The following PARD3B variants were observed in gnomAD, a reference collection of about 807,000 sequenced individuals.
The protein encoded by PARD3B is partitioning defective 3 homolog B.
Under a neutral mutation model 130.2 loss-of-function variants are expected in PARD3B, and 103 were observed. The observed-to-expected ratio is 0.79, with a 90% CI of 0.67 to 0.93. PARD3B has a LOEUF of 0.93. Among genes scored for constraint, PARD3B ranks in the 40% least tolerant of loss-of-function variants. The pLI is 0.00. For missense variants in PARD3B, 1,609 were observed against 1,499.2 expected, an observed-to-expected ratio of 1.07 and a Z score of -1.21; for synonymous variants, 583 against 553.2, an observed-to-expected ratio of 1.05 and a Z score of -0.76.
At chr2:205,227,821 ATTTC>A (rs1462530877) in intron 15 of PARD3B, among the ~76,000 whole-genome samples, 1 of 151,690 alleles carries the variant, frequency 6.6e-6, no homozygotes, top group Admixed American at 6.6e-5. Flanking sequence ...GTATGATTTA[ATTTC>A]TTTCTTTTTC....
intron 1 of PARD3B, among the ~76,000 whole-genome samples, chr2:204,672,325 C>A (rs978728529): frequency 6.6e-6 from 1 of 152,154 alleles, no homozygotes; most frequent in Non-Finnish European, 1.5e-5. Context: ...ACAGGCTTTT[C>A]ATATGTCAAC....
intron 20 of PARD3B, among the ~76,000 whole-genome samples, chr2:205,455,855 G>A (rs940919198): frequency 6.6e-6 from 1 of 151,942 alleles, no homozygotes; most frequent in Non-Finnish European, 1.5e-5. Context: ...TGTCACACAG[G>A]TAGATCCACG....
chr2:205,157,700 A>G (rs371315834), intron 10 of PARD3B, among the ~76,000 whole-genome samples: 38 of 152,350 alleles, frequency 2.5e-4, no homozygotes, highest in Middle Eastern at 6.8e-3. Context: ...AGATATAATT[A>G]TAGAGAGGAA....
Position 204,610,232 on chromosome 2 carries a change from G to A in PARD3B, c.120+64113G>A, listed in dbSNP as rs1400731714. Among the ~76,000 whole-genome samples the A allele has an allele frequency of 6.6e-6, 1 of 152,076 alleles. No homozygotes were observed. ...AGGGACATCCATTCAGACAGTTGGG[G>A]GGCTTAGGATTTCATTTTTGGTTTA... On this transcript the variant is annotated intron_variant, in intron 1 of 22. Transcript: ENST00000406610. This position sits in a 1 kb window ranked among gnomAD's most constrained non-coding sequence, Gnocchi z 4.1.
intron 2 of PARD3B, among the ~76,000 whole-genome samples, chr2:204,903,925 T>G (rs370650237): frequency 3.3e-5 from 5 of 152,290 alleles, no homozygotes; most frequent in East Asian, 3.9e-4. Context: ...CAATGTATAA[T>G]TATCTGTCGG....
chr2:205,280,478 A>C lies in PARD3B; in HGVS notation c.2186-20052A>C, dbSNP rs1305626011. ...TTCCAAACTCTAGATTAAGTTTCAG[A>C]GTTCAGCCTGGGAGAAAGGAACTAT... On this transcript the variant is annotated intron_variant, in intron 16 of 22. Transcript: ENST00000406610. The surrounding 1 kb of genome is among the most constrained non-coding windows in gnomAD (Gnocchi z 4.7). 1.3e-5 allele frequency among the ~76,000 whole-genome samples: 2 copies of C among 152,202 alleles called. No homozygotes were observed. Among genetic ancestry groups the C allele is most frequent in the African/African-American group, 4.8e-5 (2 of 41,456 alleles).
intron 2 of PARD3B, among the ~76,000 whole-genome samples, chr2:204,717,375 A>G (rs1174055336): frequency 6.6e-6 from 1 of 152,220 alleles, no homozygotes; most frequent in Non-Finnish European, 1.5e-5. Context: ...AATTGAATCC[A>G]CTTGCAAATG....
intron 18 of PARD3B, chr2:205,347,854 G>T (rs1411394091): frequency 1.3e-5 from 2 of 152,218 alleles, no homozygotes; most frequent in African/African-American, 4.8e-5. Context: ...ACAGTAGCCA[G>T]AGTTTGCTGG....
At chr2:205,334,545 A>G (rs1400817796) in intron 18 of PARD3B, among the ~76,000 whole-genome samples, 2 of 152,224 alleles carry the variant, frequency 1.3e-5, no homozygotes, top group Non-Finnish European at 2.9e-5. Context: ...GGGTATTTGT[A>G]TGTGTTTGTT....
At chr2:204,777,779 C>G (rs559881778) in intron 2 of PARD3B, among the ~76,000 whole-genome samples, 2 of 152,114 alleles carry the variant, frequency 1.3e-5, no homozygotes, top group Non-Finnish European at 2.9e-5. Flanking sequence ...TGCTTTGGCT[C>G]TGTATCCCTA....
intron 3 of PARD3B, among the ~76,000 whole-genome samples, chr2:205,023,452 CTTTTTTTTTTTT>C (rs11319827): frequency 1.1e-5 from 1 of 88,732 alleles, no homozygotes; most frequent in Admixed American, 1.3e-4. Context: ...ATGCCCACAC[CTTTTTTTTTTTT>C]TTTTTTTTTG....
intron 18 of PARD3B, among the ~76,000 whole-genome samples, chr2:205,395,297 A>T (rs933717226): frequency 5.3e-5 from 8 of 152,224 alleles, no homozygotes; most frequent in Non-Finnish European, 8.8e-5. Context: ...AAGGCTATGA[A>T]TGACTTTATG....
At chr2:205,570,507 C>T (rs1205678165) in intron 22 of PARD3B, among the ~76,000 whole-genome samples, 1 of 152,120 alleles carries the variant, frequency 6.6e-6, no homozygotes, top group African/African-American at 2.4e-5. Flanking sequence ...TAATAGTTTT[C>T]GCAAGAAACC....
chr2:204,743,029 A>T (rs2040072671), intron 2 of PARD3B, among the ~76,000 whole-genome samples: 1 of 152,206 alleles, frequency 6.6e-6, no homozygotes, highest in African/African-American at 2.4e-5. Flanking sequence ...GCTCTAAGCA[A>T]GTTAACCCTG....
rs1300903200 is a variant in PARD3B, at chr2:204,553,671, TATATATATATATATATATATATATACAC to T, written c.120+7554_120+7581del. On this transcript the variant is annotated intron_variant, in intron 1 of 22. Transcript: ENST00000406610. Reference sequence around the variant, plus strand: ...ATATCCATATATATATATATATATATATATATATATATATATATATATATACACACATATATATAAAGGAATACACCTC... The same window carrying T: ...ATATCCATATATATATATATATATATACATATATATAAAGGAATACACCTC... 4.9e-4 allele frequency among the ~76,000 whole-genome samples: 56 copies of T among 114,034 alleles called. 1 individual carries two copies. The highest frequency in any genetic ancestry group is 2.3e-3 in the African/African-American group (56 of 24,320). 74.8% of individuals were successfully genotyped at this position (114,034 alleles called of 152,430 possible). A position where few individuals can be genotyped will look rare whatever the true frequency, so the allele number is the denominator to read the frequency against.
rs555024609 is a variant in PARD3B at position 205,562,805 on chromosome 2, G to A, written c.3260+9402G>A. Among the ~76,000 whole-genome samples the A allele has an allele frequency of 1.4e-4, 21 of 152,164 alleles. No individual in the cohort carries two copies. The South Asian group carries it at 2.1e-3, about 15-fold the overall frequency. ...GTGATTTTCTTGATAATGCTGTACCGTTTTGCATGATGCACACTGTCTTTC... is the reference window on the plus strand; with the variant it reads ...GTGATTTTCTTGATAATGCTGTACCATTTTGCATGATGCACACTGTCTTTC... On this transcript the variant is annotated intron_variant, in intron 22 of 22. Transcript: ENST00000406610. The surrounding 1 kb of genome is among the most constrained non-coding windows in gnomAD (Gnocchi z 5.4).
At chr2:205,561,418 T>C (rs1288879129) in intron 22 of PARD3B, among the ~76,000 whole-genome samples, 1 of 152,148 alleles carries the variant, frequency 6.6e-6, no homozygotes, top group Non-Finnish European at 1.5e-5. Flanking sequence ...GTGTGAGTGC[T>C]TGTCTGGGTG....
intron 2 of PARD3B, among the ~76,000 whole-genome samples, chr2:204,729,474 T>A (rs936370778): frequency 2.6e-5 from 4 of 152,302 alleles, no homozygotes; most frequent in African/African-American, 9.6e-5. Context: ...GATCAAACCA[T>A]CAATGACAGT....
chr2:205,176,697 T>G lies in PARD3B; in HGVS notation c.1924+120T>G. ...TAATTAGACTAAGTGCAGACTTTGT[T>G]ACTCGGAGTCACAAACACTGAGAGA... On this transcript the variant is annotated intron_variant, in intron 13 of 22. Coordinates refer to ENST00000406610, the MANE Select transcript of PARD3B (RefSeq NM_001302769.2). This position sits in a 1 kb window ranked among gnomAD's most constrained non-coding sequence, Gnocchi z 5.3. The G allele has an allele frequency of 8.9e-7, 1 of 1,123,602 alleles. No homozygotes were observed. The highest frequency in any genetic ancestry group is 1.2e-6 in the Non-Finnish European group (1 of 828,048). 69.6% of individuals were successfully genotyped at this position (1,123,602 alleles called of 1,614,324 possible).
Sources: gnomAD v4.1 joint callset for allele counts (sites outside exome capture counted in the v4.1 genomes callset) on GRCh38, gnomAD v4.1.1 for gene constraint, Gnocchi (gnomAD v3.1) non-coding constraint, MANE v1.5 for transcripts, NCBI Gene and HGNC (gene_info 2026-07-23, HGNC 2026-07-21) for gene names.